The following MACF1 variants were observed in gnomAD, a reference collection of about 807,000 sequenced individuals.
MACF1 encodes the protein microtubule actin crosslinking factor 1, also known as microtubule-actin cross-linking factor 1.
MACF1 carries 193 observed loss-of-function variants against 854.8 expected under a neutral mutation model. The observed-to-expected ratio is 0.23, with a 90% CI of 0.20 to 0.25. The LOEUF is 0.25. MACF1 is among the 10% of genes least tolerant of loss of function. The pLI, the probability that MACF1 is intolerant of heterozygous loss-of-function variation, is 1.00. For missense variants in MACF1, 7,722 were observed against 8,929.1 expected (o/e 0.86, Z 5.45); for synonymous variants, 3,185 against 3,226.7 (o/e 0.99, Z 0.44).
intron 63 of MACF1, among the ~76,000 whole-genome samples, chr1:39,428,740 T>G (rs116331249): frequency 1.8e-3 from 271 of 152,346 alleles, no homozygotes; most frequent in African/African-American, 5.8e-3. Context: ...TAGAAGAGTT[T>G]GCCTTTTTCA....
At chr1:39,373,070 G>T (rs1400234715) in intron 52 of MACF1, 1 of 164,388 alleles carries the variant, frequency 6.1e-6, no homozygotes. Flanking sequence ...ACTTTGGGAG[G>T]CCAAGGCAGG....
At chr1:39,435,957 T>G in intron 70 of MACF1, 196 bp downstream of exon 70, 1 of 576,270 alleles carries the variant, frequency 1.7e-6, no homozygotes, top group Non-Finnish European at 3.0e-6. Flanking sequence ...CTAAGGAGAG[T>G]GAAATGAGTC....
intron 2 of MACF1, among the ~76,000 whole-genome samples, chr1:39,249,036 T>C (rs1645012682): frequency 6.6e-6 from 1 of 152,180 alleles, no homozygotes; most frequent in Admixed American, 6.5e-5. Flanking sequence ...CAGAAGCCAC[T>C]GCACCTGGCA....
At position 39,435,660 on chromosome 1, in the gene MACF1, G is replaced by A; in HGVS notation, c.17887G>A (p.Glu5963Lys). ...ELNPEEGEMV[E>K]EKYQKAENMY... ...AAACCCTGAGGAAGGGGAAATGGTG[G>A]AAGAAAAATACCAGAAAGCAGAAAA... The change falls in exon 70 of 101, where the codon GAA (glutamate) becomes AAA (lysine). Residue 5963 changes from glutamate (E) to lysine (K), a missense_variant. By Grantham distance (56) the Glu-to-Lys change is moderately conservative. Transcript: ENST00000564288. 6.2e-7 allele frequency: 1 copy of A among 1,614,134 alleles called. No homozygotes were observed. The highest frequency in any genetic ancestry group is 8.5e-7 in the Non-Finnish European group (1 of 1,180,006).
intron 23 of MACF1, among the ~76,000 whole-genome samples, chr1:39,303,512 T>A (rs1646094344): frequency 6.6e-6 from 1 of 151,164 alleles, no homozygotes; most frequent in Non-Finnish European, 1.5e-5. Context: ...ATTGCGCCAC[T>A]GCACTCTAGC....
rs373143980 is a variant in MACF1, at chr1:39,368,130, T to C, written c.12772-18T>C. On this transcript the variant is annotated intron_variant, in intron 49 of 100. Transcript: ENST00000564288. Reference sequence around the variant, plus strand: ...TAAGGATTAGAGGATTTAATACATTTCCTTGTTTGCTTGACAGGAGCTCAA... The same window carrying C: ...TAAGGATTAGAGGATTTAATACATTCCCTTGTTTGCTTGACAGGAGCTCAA... 6.2e-7 allele frequency: 1 copy of C among 1,612,074 alleles called. No individual in the cohort carries two copies. The highest frequency in any genetic ancestry group is 1.3e-5 in the African/African-American group (1 of 74,882).
intron 6 of MACF1, among the ~76,000 whole-genome samples, chr1:39,266,594 CTTTTTTTTTTT>C (rs11406070): frequency 5.2e-5 from 3 of 58,122 alleles, no homozygotes; most frequent in East Asian, 5.3e-4. Context: ...TGGTCTTTTC[CTTTTTTTTTTT>C]TTTTTTTTTT....
chr1:39,176,972 CTAAGTAATATAAGCTT>C (rs938292405), intron 2 of MACF1, among the ~76,000 whole-genome samples: 4 of 151,950 alleles, frequency 2.6e-5, no homozygotes, highest in African/African-American at 9.7e-5. Context: ...AACAAAAATG[CTAAGTAATATAAGCTT>C]TAAGAGGGTT....
chr1:39,367,547 C>T (rs1315666348), intron 49 of MACF1, among the ~76,000 whole-genome samples: 5 of 151,914 alleles, frequency 3.3e-5, no homozygotes, highest in South Asian at 4.2e-4. Flanking sequence ...TGTGTTTACC[C>T]CCATTTTATA....
chr1:39,381,356 C>CTTTTT (rs869060742), intron 55 of MACF1, among the ~76,000 whole-genome samples: 4 of 36,796 alleles, frequency 1.1e-4, no homozygotes, highest in Admixed American at 4.6e-4. Flanking sequence ...CATGCCTGGC[C>CTTTTT]TTTTTTTTTT....
chr1:39,354,653 C>T (rs1306658414), intron 44 of MACF1, among the ~76,000 whole-genome samples: 1 of 152,284 alleles, frequency 6.6e-6, no homozygotes. Flanking sequence ...GATTTGCTCA[C>T]CTCCCAAAGT....
In MACF1 at chr1:39,380,267, G is replaced by C; in HGVS notation, c.13542G>C (p.Gln4514His). ...SNKAFLAELE[Q>H]NSPKIQKVKE... is the part of the protein sequence containing the mutation. ...AGGCCTTCCTGGCTGAGTTGGAACA[G>C]AATTCTCCAAAAATTCAAAAAGTAA... The change falls in exon 55 of 101, where the codon CAG becomes CAC. Residue 4514 changes from glutamine (Q) to histidine (H), a missense_variant. Physicochemically the swap from Gln to His is conservative, Grantham distance 24. Around this residue, in one of 15 missense-constraint regions of MACF1, gnomAD observed 2,807 missense variants for 3,235.8 expected, o/e 0.87. Coordinates refer to ENST00000564288, the MANE Select transcript of MACF1 (RefSeq NM_001394062.1). 1 of 1,613,466 alleles carries C rather than the reference G, an allele frequency of 6.2e-7. No homozygotes were observed. Among genetic ancestry groups the C allele is most frequent in the Non-Finnish European group, 8.5e-7 (1 of 1,179,728 alleles).
At chr1:39,234,468 G>A (rs1480441986) in intron 2 of MACF1, among the ~76,000 whole-genome samples, 43 of 131,076 alleles carry the variant, frequency 3.3e-4, no homozygotes, top group African/African-American at 1.2e-3. Flanking sequence ...TGGCAGAGGA[G>A]CTCCTCACTT....
chr1:39,285,476 G>A lies in MACF1; in HGVS notation c.1353+86G>A, dbSNP rs1442479148. 1.9e-5 allele frequency: 30 copies of A among 1,539,854 alleles called. No individual in the cohort carries two copies. The South Asian group carries it at 3.0e-4, about 16-fold the overall frequency. ...GCTCTAATTGTTGAAGTTAGCAATCGAGGAATCCAGATGTATTATTTCCCT... is the reference window on the plus strand; with the variant it reads ...GCTCTAATTGTTGAAGTTAGCAATCAAGGAATCCAGATGTATTATTTCCCT... On this transcript the variant is annotated intron_variant, in intron 13 of 100. Transcript: ENST00000564288.
At chr1:39,350,409 C>A (rs1647153837) in intron 42 of MACF1, among the ~76,000 whole-genome samples, 1 of 152,126 alleles carries the variant, frequency 6.6e-6, no homozygotes, top group Admixed American at 6.5e-5. Context: ...TCACACTGGA[C>A]CCCGCAGGCC....
At chr1:39,475,083 C>G (rs1239717265) in intron 97 of MACF1, among the ~76,000 whole-genome samples, 1 of 152,108 alleles carries the variant, frequency 6.6e-6, no homozygotes, top group African/African-American at 2.4e-5. Flanking sequence ...ATTGTGCTTC[C>G]TAGTCCCCAA....
rs201400155 is a variant in MACF1 at position 39,424,037 on chromosome 1, C to T, written c.16159C>T (p.Arg5387Trp). 1.2e-5 allele frequency: 19 copies of T among 1,609,568 alleles called. No individual in the cohort carries two copies. Among genetic ancestry groups the T allele is most frequent in the East Asian group, 4.5e-5 (2 of 44,752 alleles). ...ATTCTCTTTATAATAGTTGCTCCAG[C>T]GGCTCCTAGATGATCGAAAGGCCAC... ...AQIQEQKLLQ[R>W]LLDDRKATVD... The change falls in exon 61 of 101, where the codon CGG (arginine) becomes TGG (tryptophan). Residue 5387 changes from arginine (R) to tryptophan (W), a missense_variant. Around this residue, in one of 15 missense-constraint regions of MACF1, gnomAD observed 2,807 missense variants for 3,235.8 expected, o/e 0.87. Transcript: ENST00000564288.
chr1:39,173,576 T>C (rs1643982549), intron 2 of MACF1, among the ~76,000 whole-genome samples: 1 of 152,160 alleles, frequency 6.6e-6, no homozygotes, highest in South Asian at 2.1e-4. Flanking sequence ...TTTTTCCTAG[T>C]GTATTTGAAA....
At chr1:39,423,039 G>A in intron 60 of MACF1, 139 bp downstream of exon 60, 1 of 721,108 alleles carries the variant, frequency 1.4e-6, no homozygotes, top group East Asian at 2.7e-5. Context: ...AAGAAAGGTG[G>A]AAATTGATTT....
Sources: allele counts gnomAD v4.1 joint callset (sites outside exome capture counted in the v4.1 genomes callset), GRCh38; gene constraint gnomAD v4.1.1; regional missense constraint gnomAD v4.1.1; transcripts MANE v1.5; gene names NCBI Gene and HGNC (gene_info 2026-07-23, HGNC 2026-07-21).